RNF17: variants seen among roughly 807,000 people sequenced by gnomAD.
The protein encoded by RNF17 is spermatogenesis associated 23.
A neutral mutation model predicts 200.5 loss-of-function variants in RNF17; 31 were observed. That is an observed-to-expected ratio of 0.15 (90% confidence interval 0.12 to 0.21). The LOEUF (loss-of-function observed/expected upper bound fraction) is 0.21. Ranked by LOEUF, RNF17 falls within the 10% of genes least tolerant of loss-of-function variation. The pLI is 1.00. For synonymous variants in RNF17, 606 were observed against 637.8 expected, an observed-to-expected ratio of 0.95 and a Z score of 0.75; for missense variants, 1,628 against 1,905.1, an observed-to-expected ratio of 0.85 and a Z score of 2.71.
At position 24,825,505 on chromosome 13, in the gene RNF17, CATTCA is replaced by C. The variant is rs1034445296; in HGVS notation, c.2092-107_2092-103del. ...TTACGTAACACAATTGATAGATTTA[CATTCA>C]ATTCAAGTTTTAATGTTTCATAATT... On this transcript the variant is annotated intron_variant, in intron 15 of 35. Coordinates refer to ENST00000255324, the MANE Select transcript of RNF17 (RefSeq NM_031277.3). 7.3e-5 allele frequency: 53 copies of C among 723,714 alleles called. No individual in the cohort carries two copies. In the African/African-American group the frequency reaches 7.3e-4, roughly 10 times the overall value. The allele number at this position is 723,714 out of a possible 1,614,324, so 44.8% of individuals were successfully genotyped here.
chr13:24,782,409 G>A (rs1412462491), intron 6 of RNF17, among the ~76,000 whole-genome samples: 3 of 151,742 alleles, frequency 2.0e-5, no homozygotes, highest in Admixed American at 6.6e-5. Flanking sequence ...CATTGTCCAT[G>A]CTTTTCCCAA....
chr13:24,837,949 G>A (rs1404586922), intron 18 of RNF17, among the ~76,000 whole-genome samples: 2 of 152,078 alleles, frequency 1.3e-5, no homozygotes, highest in East Asian at 1.9e-4. Context: ...GATTTAGCAC[G>A]ATTAACCAAG....
chr13:24,783,240 T>C (rs7326163), intron 6 of RNF17, among the ~76,000 whole-genome samples: 18,814 of 152,230 alleles, frequency 0.12, 1,270 homozygotes, highest in Admixed American at 0.15. Context: ...TCTGTTTTAT[T>C]CCGTTGTTCT....
intron 33 of RNF17, among the ~76,000 whole-genome samples, 196 bp from the exon 34 acceptor site, chr13:24,876,801 G>A (rs1428208328): frequency 6.6e-6 from 1 of 152,168 alleles, no homozygotes; most frequent in African/African-American, 2.4e-5. Flanking sequence ...TTGATACACA[G>A]AAGTTAATTT....
At chr13:24,822,493 C>T (rs920569665) in intron 15 of RNF17, among the ~76,000 whole-genome samples, 2 of 151,818 alleles carry the variant, frequency 1.3e-5, no homozygotes, top group African/African-American at 4.8e-5. Context: ...ATGATCTTGG[C>T]TGACTGCAAC....
chr13:24,867,601 T>G (rs1893765134), intron 30 of RNF17, among the ~76,000 whole-genome samples: 1 of 152,196 alleles, frequency 6.6e-6, no homozygotes, highest in East Asian at 1.9e-4. Context: ...TGTTAAATAG[T>G]AATAAATTAA....
At chr13:24,825,564 C>A (rs9553451) in intron 15 of RNF17, 55 bp from the exon 16 acceptor site, 210,653 of 1,184,184 alleles carry the variant, frequency 0.18, 20,408 homozygotes, top group South Asian at 0.31. Context: ...ATTCATTCAA[C>A]ACTTACATTT....
chr13:24,853,846 A>C lies in RNF17; in HGVS notation c.3321-9A>C, dbSNP rs1400222501. ...TATGTTTAGATGTGTTCTTTTTTGG[A>C]TGTTACAGAATTAATAACTTAGATA... is the stretch of plus-strand genomic sequence containing the variant. On this transcript the variant is annotated splice_polypyrimidine_tract_variant and intron_variant, in intron 24 of 35. Transcript: ENST00000255324. 6.3e-7 allele frequency: 1 copy of C among 1,576,182 alleles called. No individual in the cohort carries two copies. Among genetic ancestry groups the C allele is most frequent in the Non-Finnish European group, 8.6e-7 (1 of 1,162,932 alleles).
chr13:24,750,559 C>G, the RNF17 span: 4 of 152,218 alleles, frequency 2.6e-5, no homozygotes, highest in Non-Finnish European at 5.9e-5. Context: ...TGGAATTATA[C>G]AGTATGGTAA....
rs1289262078 is a variant in RNF17, at chr13:24,797,782, T to A, written c.1399+1487T>A. On this transcript the variant is annotated intron_variant, in intron 11 of 35. Transcript: ENST00000255324. ...TGGAATGGTGTTCTGACCAGGATTG[T>A]TTCCTGCCTTGTGCCCTGAGCTGCC... 3.3e-5 allele frequency among the ~76,000 whole-genome samples: 5 copies of A among 150,160 alleles called. No individual in the cohort carries two copies. In the South Asian group the frequency reaches 8.4e-4, roughly 25 times the overall value.
intron 28 of RNF17, 145 bp downstream of exon 28, chr13:24,862,938 T>G (rs1893245117): frequency 4.3e-6 from 2 of 466,296 alleles, no homozygotes; most frequent in East Asian, 6.8e-5. Flanking sequence ...ACTACCAGTT[T>G]GGTTCCTGCG....
At chr13:24,821,583 A>C (rs1888060392) in intron 15 of RNF17, among the ~76,000 whole-genome samples, 1 of 151,732 alleles carries the variant, frequency 6.6e-6, no homozygotes, top group South Asian at 2.1e-4. Context: ...CCTATCTTCA[A>C]GTTCACTGAT....
intron 15 of RNF17, among the ~76,000 whole-genome samples, chr13:24,825,352 A>G (rs1888503356): frequency 6.6e-6 from 1 of 152,188 alleles, no homozygotes; most frequent in Admixed American, 6.5e-5. Flanking sequence ...ATATACAGTG[A>G]GTGTGTGTAT....
intron 15 of RNF17, 60 bp downstream of exon 15, chr13:24,804,489 T>G: frequency 7.8e-7 from 1 of 1,289,832 alleles, no homozygotes; most frequent in Non-Finnish European, 1.1e-6. Context: ...TAGACATGTA[T>G]AACAAGAATG....
intron 5 of RNF17, among the ~76,000 whole-genome samples, chr13:24,781,551 C>G (rs191439712): frequency 6.6e-5 from 10 of 152,170 alleles, no homozygotes; most frequent in South Asian, 2.1e-4. Context: ...CAGGAGGATC[C>G]CTTGAGCCCA....
At chr13:24,850,040 C>T (rs1365108404) in intron 22 of RNF17, among the ~76,000 whole-genome samples, 1 of 151,956 alleles carries the variant, frequency 6.6e-6, no homozygotes, top group Admixed American at 6.6e-5. Flanking sequence ...TATATAATGA[C>T]TTAAAAAGTA....
chr13:24,862,948 G>A (rs183957072), intron 28 of RNF17, among the ~76,000 whole-genome samples, 155 bp downstream of exon 28: 70 of 152,234 alleles, frequency 4.6e-4, no homozygotes, highest in African/African-American at 1.6e-3. Flanking sequence ...TGGTTCCTGC[G>A]CCTGCTTTAA....
At position 24,784,226 on chromosome 13, in the gene RNF17, G is replaced by T. The variant is rs2137581318; in HGVS notation, c.611+2282G>T. 1.3e-5 allele frequency among the ~76,000 whole-genome samples: 2 copies of T among 152,296 alleles called. 1 individual carries two copies. The highest frequency in any genetic ancestry group is 4.8e-5 in the African/African-American group (2 of 41,570). On this transcript the variant is annotated intron_variant, in intron 6 of 35. Coordinates refer to ENST00000255324, the MANE Select transcript of RNF17 (RefSeq NM_031277.3). Reference sequence around the variant, plus strand: ...GCTTTCCAGGAATAAATCCCACTTGGTCATGGTGTATAATTCTCTTACTAT... The same window carrying T: ...GCTTTCCAGGAATAAATCCCACTTGTTCATGGTGTATAATTCTCTTACTAT...
chr13:24,782,909 G>A (rs1566127674), intron 6 of RNF17, among the ~76,000 whole-genome samples: 1 of 152,098 alleles, frequency 6.6e-6, no homozygotes, highest in Non-Finnish European at 1.5e-5. Context: ...TTAATTTTAT[G>A]AAGTCCAGTT....
Sources: allele counts gnomAD v4.1 joint callset (sites outside exome capture counted in the v4.1 genomes callset), GRCh38; gene constraint gnomAD v4.1.1; transcripts MANE v1.5; gene names NCBI Gene and HGNC (gene_info 2026-07-23, HGNC 2026-07-21).